CERS3: variants seen among roughly 807,000 people sequenced by gnomAD.
CERS3 encodes ceramide synthase 3.
CERS3 carries 33 observed loss-of-function variants against 50.3 expected under a neutral mutation model. The observed-to-expected ratio is 0.66, with a 90% confidence interval of 0.50 to 0.88. The LOEUF is 0.88. Among genes scored for constraint, CERS3 ranks in the 40% least tolerant of loss-of-function variants. CERS3 has a pLI of 0.00. For missense variants in CERS3, 470 were observed against 460.3 expected (o/e 1.02, Z -0.19); for synonymous variants, 176 against 155.2 (o/e 1.13, Z -0.99).
chr15:100,519,870 T>A (rs183316008), intron 2 of CERS3, among the ~76,000 whole-genome samples: 551 of 152,356 alleles, frequency 3.6e-3, no homozygotes, highest in African/African-American at 0.012. Flanking sequence ...GCCAACTGTG[T>A]ACCAGGACCC....
intron 5 of CERS3, among the ~76,000 whole-genome samples, chr15:100,483,787 A>ATTAT (rs760594142): frequency 1.0e-4 from 10 of 100,024 alleles, no homozygotes; most frequent in African/African-American, 3.8e-4. Flanking sequence ...TATTATTATT[A>ATTAT]TTTTTTTTTT....
chr15:100,490,776 A>G, intron 4 of CERS3, 41 bp downstream of exon 4: 1 of 1,239,082 alleles, frequency 8.1e-7, no homozygotes, highest in Non-Finnish European at 1.2e-6. Context: ...ACCATTAAGA[A>G]AGAAGATTTT....
In CERS3 at chr15:100,522,525, C is replaced by G. The variant is rs185584984; in HGVS notation, c.-91-769G>C. ...TGTCACCACCATGGATCCGTGTTGC[C>G]TGTTCTTGAACTTTATGTAAATACG... is the stretch of plus-strand genomic sequence containing the variant. On this transcript the variant is annotated intron_variant, in intron 1 of 11. Transcript: ENST00000679737. Among the ~76,000 whole-genome samples the G allele has an allele frequency of 1.5e-4, 23 of 152,334 alleles. 1 individual carries two copies. Among genetic ancestry groups the G allele is most frequent in the African/African-American group, 4.8e-4 (20 of 41,576 alleles).
At chr15:100,516,104 C>T (rs1567677009) in intron 2 of CERS3, among the ~76,000 whole-genome samples, 1 of 152,150 alleles carries the variant, frequency 6.6e-6, no homozygotes, top group African/African-American at 2.4e-5. Flanking sequence ...AAAGGATTGC[C>T]TTAGTGTCTG....
upstream of CERS3, among the ~76,000 whole-genome samples, chr15:100,532,549 T>C (rs1428365863): frequency 1.3e-5 from 2 of 151,942 alleles, no homozygotes; most frequent in Non-Finnish European, 2.9e-5. Context: ...GAGGATTGCT[T>C]GCGTCCAAGA....
At chr15:100,462,014 G>C (rs2034565981) in intron 10 of CERS3, among the ~76,000 whole-genome samples, 1 of 152,164 alleles carries the variant, frequency 6.6e-6, no homozygotes, top group African/African-American at 2.4e-5. Flanking sequence ...GCCCTTCCCA[G>C]CTCTCTTCCT....
intron 9 of CERS3, among the ~76,000 whole-genome samples, chr15:100,471,718 C>T (rs1271752894): frequency 2.6e-5 from 4 of 152,172 alleles, no homozygotes; most frequent in Non-Finnish European, 5.9e-5. Flanking sequence ...CCCTGAAGCA[C>T]ATATAATAAT....
chr15:100,492,987 TG>T (rs2035697604), intron 3 of CERS3, among the ~76,000 whole-genome samples: 1 of 152,214 alleles, frequency 6.6e-6, no homozygotes, highest in Non-Finnish European at 1.5e-5. Flanking sequence ...TCCCCTTCTT[TG>T]TGCTCTTGTC....
At chr15:100,404,262 C>A (rs940035409) in intron 11 of CERS3, among the ~76,000 whole-genome samples, 2 of 152,168 alleles carry the variant, frequency 1.3e-5, no homozygotes, top group Non-Finnish European at 2.9e-5. Flanking sequence ...TTATTTTGAG[C>A]ACCAAATTTG....
intron 9 of CERS3, among the ~76,000 whole-genome samples, chr15:100,472,188 G>A (rs2034989645): frequency 6.6e-6 from 1 of 152,188 alleles, no homozygotes; most frequent in Non-Finnish European, 1.5e-5. Context: ...CATTATAAAT[G>A]AGTATATTTA....
At chr15:100,430,460 G>A (rs2033069205) in intron 11 of CERS3, among the ~76,000 whole-genome samples, 1 of 152,114 alleles carries the variant, frequency 6.6e-6, no homozygotes, top group African/African-American at 2.4e-5. Flanking sequence ...TACACCTCTG[G>A]GAATGACATC....
intron 11 of CERS3, among the ~76,000 whole-genome samples, chr15:100,419,608 C>A (rs200980692): frequency 0.021 from 3,127 of 147,684 alleles, 42 homozygotes; most frequent in Admixed American, 0.028. Context: ...GAACTCTCCA[C>A]CCCAAATCAA....
chr15:100,406,908 G>C (rs991149549), intron 11 of CERS3, among the ~76,000 whole-genome samples: 19 of 152,330 alleles, frequency 1.2e-4, no homozygotes, highest in African/African-American at 3.6e-4. Flanking sequence ...GGAGGAGCAA[G>C]TCACATCTTA....
At chr15:100,427,547 C>A (rs2032888897) in intron 11 of CERS3, among the ~76,000 whole-genome samples, 1 of 152,162 alleles carries the variant, frequency 6.6e-6, no homozygotes, top group Admixed American at 6.5e-5. Context: ...AAGGCAGAGC[C>A]TGAAGCTACC....
intron 11 of CERS3, among the ~76,000 whole-genome samples, chr15:100,447,751 T>G (rs1448184713): frequency 6.6e-6 from 1 of 152,268 alleles, no homozygotes; most frequent in Non-Finnish European, 1.5e-5. Flanking sequence ...GGGGCCTGTA[T>G]GTACCACAGG....
intron 10 of CERS3, among the ~76,000 whole-genome samples, chr15:100,465,109 C>T (rs1988459): frequency 0.5 from 76,451 of 151,846 alleles, 19,791 homozygotes; most frequent in Middle Eastern, 0.57. Flanking sequence ...AGTTAGCTTT[C>T]GCCCCGCCCT....
At chr15:100,535,472 C>T (rs1335073206) in intron 1 of CERS3, among the ~76,000 whole-genome samples, 1 of 152,238 alleles carries the variant, frequency 6.6e-6, no homozygotes, top group Admixed American at 6.5e-5. Context: ...CACACTCACA[C>T]AGATGAGCAA....
At chr15:100,466,587 G>C (rs1026088933) in intron 10 of CERS3, among the ~76,000 whole-genome samples, 1 of 152,068 alleles carries the variant, frequency 6.6e-6, no homozygotes, top group Non-Finnish European at 1.5e-5. Context: ...CTCTTGAAAT[G>C]CTCACCCTTG....
intron 5 of CERS3, among the ~76,000 whole-genome samples, chr15:100,483,619 T>C (rs1032540120): frequency 5.9e-5 from 9 of 151,648 alleles, no homozygotes; most frequent in Non-Finnish European, 8.8e-5. Flanking sequence ...CAAGAAATAG[T>C]ATCGGAATAG....
Sources: allele counts gnomAD v4.1 joint callset (sites outside exome capture counted in the v4.1 genomes callset), GRCh38; gene constraint gnomAD v4.1.1; transcripts MANE v1.5; gene names NCBI Gene and HGNC (gene_info 2026-07-23, HGNC 2026-07-21).